Variants in EXOSC4 observed in about 807,000 individuals in gnomAD.
EXOSC4 encodes exosome complex component RRP41.
In EXOSC4, 14 loss-of-function variants were observed where a neutral mutation model predicts 20.0. The observed-to-expected ratio is 0.70, with a 90% CI of 0.46 to 1.09. The LOEUF (loss-of-function observed/expected upper bound fraction) is 1.09. Ranked by LOEUF, EXOSC4 falls within the 50% of genes least tolerant of loss-of-function variation. EXOSC4 has a pLI of 0.00. For synonymous variants in EXOSC4, 148 were observed against 146.4 expected (o/e 1.01, Z -0.08); for missense variants, 337 against 334.0 (o/e 1.01, Z -0.07).
upstream of EXOSC4, among the ~76,000 whole-genome samples, chr8:144,077,408 C>T (rs921174133): frequency 6.6e-6 from 1 of 152,118 alleles, no homozygotes; most frequent in African/African-American, 2.4e-5. Flanking sequence ...AGGGTGGTGA[C>T]CCATCATGGC....
the EXOSC4 span, among the ~76,000 whole-genome samples, chr8:144,067,781 A>G: frequency 1.3e-5 from 2 of 152,154 alleles, no homozygotes; most frequent in Non-Finnish European, 2.9e-5. Context: ...GCTGAGGCGG[A>G]TGGATCACCT....
chr8:144,078,628 C>T (rs1835861032), upstream of EXOSC4: 5 of 1,269,946 alleles, frequency 3.9e-6, no homozygotes, highest in East Asian at 1.6e-4. This position sits in a 1 kb window ranked among gnomAD's most constrained non-coding sequence, Gnocchi z 4.7. Context: ...GATGGCGGAC[C>T]TCCGGAAACC....
chr8:144,068,420 T>C, the EXOSC4 span, among the ~76,000 whole-genome samples: 1 of 152,306 alleles, frequency 6.6e-6, no homozygotes, highest in South Asian at 2.1e-4. Context: ...ACCACCACCA[T>C]GGCTGCCACT....
At chr8:144,076,815 C>T (rs116122781), upstream of EXOSC4, among the ~76,000 whole-genome samples, 8,171 of 152,212 alleles carry the variant, frequency 0.054, 780 homozygotes, top group African/African-American at 0.19. Context: ...AATGGCCATG[C>T]GTGGTGGCGG....
the EXOSC4 span, among the ~76,000 whole-genome samples, chr8:144,068,443 G>A: frequency 2.6e-5 from 4 of 152,154 alleles, no homozygotes; most frequent in Admixed American, 1.3e-4. Context: ...AGACGAACAC[G>A]CTGCCCTGGC....
upstream of EXOSC4, among the ~76,000 whole-genome samples, chr8:144,075,615 C>T (rs1053746398): frequency 6.6e-6 from 1 of 152,050 alleles, no homozygotes; most frequent in Non-Finnish European, 1.5e-5. Flanking sequence ...TCAAGTGATC[C>T]GCCTGCCTCT....
intron 1 of EXOSC4, 103 bp downstream of exon 1, chr8:144,079,002 T>A (rs1471349373): frequency 1.8e-5 from 23 of 1,269,762 alleles, no homozygotes; most frequent in South Asian, 9.5e-5. Context: ...CCGGCGCGCC[T>A]CAGTCTACAC....
At chr8:144,066,809 C>G in the EXOSC4 span, among the ~76,000 whole-genome samples, 1 of 152,080 alleles carries the variant, frequency 6.6e-6, no homozygotes. Flanking sequence ...GAGGCTCGGC[C>G]AGGCGAGGTG....
rs116723461 is a variant in EXOSC4 at position 144,080,211 on chromosome 8, C to G, written c.379-31C>G. 16,079 of 1,609,596 alleles carry G rather than the reference C, an allele frequency of 1.0e-2. 1,425 individuals carry two copies. The African/African-American group carries it at 0.19, about 19-fold the overall frequency. On this transcript the variant is annotated intron_variant, in intron 2 of 2. Coordinates refer to ENST00000316052, the MANE Select transcript of EXOSC4 (RefSeq NM_019037.3). This position sits in a 1 kb window ranked among gnomAD's most constrained non-coding sequence, Gnocchi z 4.9. ...GGTGTGATGGGGTTGGGGAGGGAGT[C>G]TGATAGACTGACACCCTGGGTTCCC... is the stretch of plus-strand genomic sequence containing the variant.
the EXOSC4 span, among the ~76,000 whole-genome samples, chr8:144,069,556 G>A: frequency 6.6e-6 from 1 of 152,328 alleles, no homozygotes; most frequent in South Asian, 2.1e-4. Context: ...AAGGACGCTT[G>A]GAATGACATT....
chr8:144,078,510 G>A (rs1554762973), upstream of EXOSC4: 2 of 419,438 alleles, frequency 4.8e-6, no homozygotes, highest in Admixed American at 4.5e-5. This position sits in a 1 kb window ranked among gnomAD's most constrained non-coding sequence, Gnocchi z 4.7. Context: ...GGTCGGGGCC[G>A]CGGTGAACTC....
upstream of EXOSC4, among the ~76,000 whole-genome samples, chr8:144,075,318 C>G (rs1032246098): frequency 4.6e-5 from 7 of 152,118 alleles, no homozygotes; most frequent in African/African-American, 4.8e-5. Flanking sequence ...CCTCCGCCTC[C>G]TGGGTTCACG....
At position 144,078,984 on chromosome 8, in the gene EXOSC4, G is replaced by A. The variant is rs1310155561; in HGVS notation, c.171+85G>A. 5 of 1,319,032 alleles carry A rather than the reference G, an allele frequency of 3.8e-6. No individual in the cohort carries two copies. In the African/African-American group the frequency reaches 4.6e-5, roughly 12 times the overall value. 81.7% of individuals were successfully genotyped at this position (1,319,032 alleles called of 1,614,324 possible). ...TGAGCGCTGGCTCGGGGACTTGAGG[G>A]GCAACGGCCGGCGCGCCTCAGTCTA... is the stretch of plus-strand genomic sequence containing the variant. On this transcript the variant is annotated intron_variant, in intron 1 of 2. Transcript: ENST00000316052. The surrounding 1 kb of genome is among the most constrained non-coding windows in gnomAD (Gnocchi z 4.7).
chr8:144,064,533 T>G, the EXOSC4 span, among the ~76,000 whole-genome samples: 33 of 152,194 alleles, frequency 2.2e-4, no homozygotes, highest in Admixed American at 2.1e-3. Flanking sequence ...GGGAGGGGGC[T>G]GCAGGCCAAG....
chr8:144,078,311 G>A (rs530634620), upstream of EXOSC4: 5 of 160,924 alleles, frequency 3.1e-5, no homozygotes, highest in South Asian at 8.6e-4. This position sits in a 1 kb window ranked among gnomAD's most constrained non-coding sequence, Gnocchi z 4.7. Context: ...GGGAAGGGCT[G>A]AATGCAGGCA....
At chr8:144,072,819 A>G in the EXOSC4 span, among the ~76,000 whole-genome samples, 1 of 152,226 alleles carries the variant, frequency 6.6e-6, no homozygotes, top group Non-Finnish European at 1.5e-5. Flanking sequence ...ATGAATCCAT[A>G]TCTTGCCTAC....
upstream of EXOSC4, chr8:144,078,660 C>T: frequency 7.5e-7 from 1 of 1,338,886 alleles, no homozygotes; most frequent in Non-Finnish European, 9.6e-7. This position sits in a 1 kb window ranked among gnomAD's most constrained non-coding sequence, Gnocchi z 4.7. Flanking sequence ...GCGGTCGGAG[C>T]CGCCGGGAGC....
the EXOSC4 span, among the ~76,000 whole-genome samples, chr8:144,066,206 A>C: frequency 1.3e-5 from 2 of 149,516 alleles, no homozygotes; most frequent in Non-Finnish European, 3.0e-5. Context: ...TTTTTAGTAG[A>C]GACAGGGTTT....
Position 144,078,982 on chromosome 8 carries a change from G to C in EXOSC4, c.171+83G>C. 1 of 1,338,006 alleles carries C rather than the reference G, an allele frequency of 7.5e-7. No homozygotes were observed. The highest frequency in any genetic ancestry group is 9.6e-7 in the Non-Finnish European group (1 of 1,040,740). 82.9% of individuals were successfully genotyped at this position (1,338,006 alleles called of 1,614,324 possible). On this transcript the variant is annotated intron_variant, in intron 1 of 2. Coordinates refer to ENST00000316052, the MANE Select transcript of EXOSC4 (RefSeq NM_019037.3). This position sits in a 1 kb window ranked among gnomAD's most constrained non-coding sequence, Gnocchi z 4.7. ...GCTGAGCGCTGGCTCGGGGACTTGA[G>C]GGGCAACGGCCGGCGCGCCTCAGTC...
Sources: gnomAD v4.1 joint callset for allele counts (sites outside exome capture counted in the v4.1 genomes callset) on GRCh38, gnomAD v4.1.1 for gene constraint, Gnocchi (gnomAD v3.1) non-coding constraint, MANE v1.5 for transcripts, NCBI Gene and HGNC (gene_info 2026-07-23, HGNC 2026-07-21) for gene names.